The following NBR1 variants were observed in gnomAD, a reference collection of about 807,000 sequenced individuals.
NBR1 encodes the protein next to BRCA1 gene 1 protein.
A neutral mutation model predicts 115.5 loss-of-function variants in NBR1; 59 were observed. That is an observed-to-expected ratio of 0.51 (90% CI 0.41 to 0.63). The LOEUF is 0.63. Among genes scored for constraint, NBR1 ranks in the 30% least tolerant of loss-of-function variants. NBR1 has a pLI of 0.00. For missense variants in NBR1, 1,043 were observed against 1,150.5 expected (o/e 0.91, Z 1.35); for synonymous variants, 373 against 414.7 (o/e 0.90, Z 1.22).
chr17:43,211,106 C>G lies in NBR1; in HGVS notation c.*1032C>G. 1 of 170,448 alleles carries G rather than the reference C, an allele frequency of 5.9e-6. No individual in the cohort carries two copies. The highest frequency in any genetic ancestry group is 1.2e-5 in the Non-Finnish European group (1 of 80,376). The allele number at this position is 170,448 out of a possible 1,614,324, so 10.6% of individuals were successfully genotyped here. A position where few individuals can be genotyped will look rare whatever the true frequency, so the allele number is the denominator to read the frequency against. On this transcript the variant is annotated 3_prime_UTR_variant, in exon 21 of 21. Transcript: ENST00000590996. ...CTAGAATGCCTAGAACAGGAAGAGG[C>G]AGCTGGTGTTCTGCAAAACTTGGAC...
intron 6 of NBR1, 149 bp downstream of exon 6, chr17:43,186,593 A>C (rs927579787): frequency 1.5e-6 from 1 of 664,048 alleles, no homozygotes; most frequent in East Asian, 3.3e-5. Context: ...ATAGGTATAC[A>C]TGAGCCATGG....
chr17:43,205,768 C>T (rs937930643), intron 20 of NBR1, among the ~76,000 whole-genome samples: 20 of 150,758 alleles, frequency 1.3e-4, no homozygotes, highest in African/African-American at 4.9e-4. Context: ...GTCCCAGATA[C>T]TCAAGAGGCC....
chr17:43,171,030 T>G (rs1353691418), upstream of NBR1: 1 of 152,282 alleles, frequency 6.6e-6, no homozygotes, highest in Admixed American at 6.5e-5. Flanking sequence ...CACTCCTAGT[T>G]CCGCCCCTCA....
intron 5 of NBR1, among the ~76,000 whole-genome samples, chr17:43,183,208 C>T (rs148178759): frequency 4.0e-4 from 60 of 151,014 alleles, no homozygotes; most frequent in Middle Eastern, 3.4e-3. Context: ...TTTTCTTTGA[C>T]GTGTGTGTCA....
chr17:43,198,639 G>A (rs1443623871), intron 16 of NBR1, among the ~76,000 whole-genome samples: 3 of 150,760 alleles, frequency 2.0e-5, no homozygotes, highest in African/African-American at 4.9e-5. Flanking sequence ...GTGACAGAGC[G>A]AGACTCCGTC....
At chr17:43,186,781 G>A (rs2056813637) in intron 6 of NBR1, among the ~76,000 whole-genome samples, 1 of 151,450 alleles carries the variant, frequency 6.6e-6, no homozygotes, top group South Asian at 2.1e-4. Context: ...TTGGTTTTCT[G>A]TTCCTGAGTT....
rs1303603874 is a variant in NBR1, at chr17:43,177,934, A to G, written c.103-2A>G. The G allele has an allele frequency of 1.3e-6, 2 of 1,527,394 alleles. No individual in the cohort carries two copies. Among genetic ancestry groups the G allele is most frequent in the Non-Finnish European group, 1.8e-6 (2 of 1,120,116 alleles). The allele number at this position is 1,527,394 out of a possible 1,614,324, so 94.6% of individuals were successfully genotyped here. On this transcript the variant is annotated splice_acceptor_variant, in intron 2 of 20. Transcript: ENST00000590996. LOFTEE classifies it high-confidence loss of function. The stretch of plus-strand genomic sequence containing the variant: ...GCCTTTAAATATGTATCTCTTTTAT[A>G]GGTAAAAGTTTCATTTGATCTGAAT...
chr17:43,206,134 C>G lies in NBR1; in HGVS notation c.2727+2348C>G, dbSNP rs578082169. On this transcript the variant is annotated intron_variant, in intron 20 of 20. Coordinates refer to ENST00000590996, the MANE Select transcript of NBR1 (RefSeq NM_005899.5). ...GATGTTGCAGTGAGCCGAGATTGCGCCACTGCACTTCAGCCTGGGTGACAG... is the reference window on the plus strand; with the variant it reads ...GATGTTGCAGTGAGCCGAGATTGCGGCACTGCACTTCAGCCTGGGTGACAG... Among the ~76,000 whole-genome samples, 3 of 150,690 alleles carry G rather than the reference C, an allele frequency of 2.0e-5. No individual in the cohort carries two copies. The East Asian group carries it at 5.9e-4, about 29-fold the overall frequency.
intron 20 of NBR1, among the ~76,000 whole-genome samples, chr17:43,205,616 C>G (rs2057298969): frequency 6.6e-6 from 1 of 152,078 alleles, no homozygotes; most frequent in Admixed American, 6.6e-5. Context: ...GTGGCTCACA[C>G]CTGTAATCCC....
chr17:43,189,211 C>A, intron 7 of NBR1, 92 bp downstream of exon 7: 1 of 900,366 alleles, frequency 1.1e-6, no homozygotes. Flanking sequence ...TGGCTGCTGC[C>A]TCTAGTACCG....
chr17:43,193,518 T>C lies in NBR1; in HGVS notation c.1404T>C (p.Phe468=), dbSNP rs2056999396. 3 of 1,613,628 alleles carry C rather than the reference T, an allele frequency of 1.9e-6. No homozygotes were observed. The African/African-American group carries it at 4.0e-5, about 22-fold the overall frequency. ...HWRLSHKGQQ[F]GPRVWCSIIV... Reference sequence around the variant, plus strand: ...GTCTTTCTCACAAAGGCCAGCAATTTGGGCCTCGGGTCTGGTGCAGTATCA... The same window carrying C: ...GTCTTTCTCACAAAGGCCAGCAATTCGGGCCTCGGGTCTGGTGCAGTATCA... The change falls in exon 12 of 21, where the codon TTT becomes TTC. Residue 468 remains phenylalanine, a synonymous_variant. Coordinates refer to ENST00000590996, the MANE Select transcript of NBR1 (RefSeq NM_005899.5).
chr17:43,177,572 AACACACAC>A (rs60320098), intron 2 of NBR1, among the ~76,000 whole-genome samples: 17,151 of 131,198 alleles, frequency 0.13, 1,269 homozygotes, highest in South Asian at 0.27. Context: ...CCCCACCCAA[AACACACAC>A]ACACACACAC....
At chr17:43,173,431 G>T (rs1597958374) in intron 1 of NBR1, among the ~76,000 whole-genome samples, 1 of 152,234 alleles carries the variant, frequency 6.6e-6, no homozygotes, top group Non-Finnish European at 1.5e-5. Flanking sequence ...GGGATTAAAG[G>T]CCTGCGCCAC....
chr17:43,174,095 C>A (rs1238266727), intron 1 of NBR1, among the ~76,000 whole-genome samples: 1 of 152,006 alleles, frequency 6.6e-6, no homozygotes, highest in East Asian at 1.9e-4. Flanking sequence ...AAATTCTTAT[C>A]TTTTAGAGGT....
intron 20 of NBR1, among the ~76,000 whole-genome samples, chr17:43,204,700 A>G (rs548813654): frequency 6.6e-6 from 1 of 151,604 alleles, no homozygotes; most frequent in Non-Finnish European, 1.5e-5. Context: ...CTGTAGTCCC[A>G]GCTACTCGGG....
chr17:43,186,472 A>C, intron 6 of NBR1, 28 bp downstream of exon 6: 1 of 1,434,110 alleles, frequency 7.0e-7, no homozygotes, highest in South Asian at 1.6e-5. Context: ...CAGTCTATCC[A>C]ATATCGTTTC....
Position 43,181,777 on chromosome 17 carries a change from C to T in NBR1, c.207+960C>T, listed in dbSNP as rs1248937649. On this transcript the variant is annotated intron_variant, in intron 5 of 20. Transcript: ENST00000590996. ...AGGCAGGCGGATCACCCAAGGTCAG[C>T]AGTTCAAGACCAGCCTGACCATGAT... 2.0e-5 allele frequency among the ~76,000 whole-genome samples: 3 copies of T among 152,196 alleles called. No individual in the cohort carries two copies. In the East Asian group the frequency reaches 5.8e-4, roughly 30 times the overall value.
At chr17:43,208,855 T>A (rs1396171969) in intron 20 of NBR1, among the ~76,000 whole-genome samples, 3 of 152,006 alleles carry the variant, frequency 2.0e-5, no homozygotes, top group Non-Finnish European at 4.4e-5. Flanking sequence ...TGGTCCCAGC[T>A]ATTTGGAAGG....
intron 15 of NBR1, 103 bp from the exon 16 acceptor site, chr17:43,196,839 G>C (rs2057079036): frequency 1.5e-6 from 2 of 1,311,234 alleles, no homozygotes; most frequent in African/African-American, 1.5e-5. Flanking sequence ...ACAAAGTTTA[G>C]ATAGCAGCTA....
Sources: gnomAD v4.1 joint callset for allele counts (sites outside exome capture counted in the v4.1 genomes callset) on GRCh38, gnomAD v4.1.1 for gene constraint, MANE v1.5 for transcripts, NCBI Gene and HGNC (gene_info 2026-07-23, HGNC 2026-07-21) for gene names.